The following MC2R variants were observed in gnomAD, a reference collection of about 807,000 sequenced individuals.
MC2R encodes the protein adrenocorticotropic hormone receptor.
MC2R carries 9 observed loss-of-function variants against 9.8 expected under a neutral mutation model. That is an observed-to-expected ratio of 0.92 (90% CI 0.55 to 1.60). The LOEUF (loss-of-function observed/expected upper bound fraction) is 1.60, where lower values mean the gene tolerates loss of function less well. MC2R is among the 40% of genes most tolerant of loss of function. MC2R has a pLI of 0.00. For synonymous variants in MC2R, 185 were observed against 154.7 expected, an observed-to-expected ratio of 1.20 and a Z score of -1.45; for missense variants, 370 against 389.0, an observed-to-expected ratio of 0.95 and a Z score of 0.41.
intron 1 of MC2R, among the ~76,000 whole-genome samples, chr18:13,914,419 T>C (rs746169385): frequency 3.9e-5 from 6 of 152,182 alleles, no homozygotes; most frequent in Non-Finnish European, 7.4e-5. Context: ...ACATAAGGGT[T>C]CGGTACAGCT....
At chr18:13,891,830 G>A (rs2045317333) in intron 1 of MC2R, among the ~76,000 whole-genome samples, 2 of 152,276 alleles carry the variant, frequency 1.3e-5, no homozygotes, top group South Asian at 2.1e-4. Context: ...ATTTGACAGA[G>A]GGAGGGAGTG....
intron 1 of MC2R, among the ~76,000 whole-genome samples, chr18:13,902,901 A>T (rs1175299826): frequency 6.6e-6 from 1 of 152,204 alleles, no homozygotes; most frequent in Admixed American, 6.5e-5. Flanking sequence ...AAGTGAAGAG[A>T]CAGCCCATAG....
chr18:13,910,807 T>C (rs2045439973), intron 1 of MC2R, among the ~76,000 whole-genome samples: 1 of 152,210 alleles, frequency 6.6e-6, no homozygotes, highest in Non-Finnish European at 1.5e-5. Context: ...TCAATCCATC[T>C]ACTTCTCATC....
intron 1 of MC2R, among the ~76,000 whole-genome samples, chr18:13,911,218 A>T (rs1320183579): frequency 6.6e-6 from 1 of 152,156 alleles, no homozygotes; most frequent in Non-Finnish European, 1.5e-5. Context: ...AGCCGAGAGC[A>T]GGGGCCGGAG....
chr18:13,893,786 A>G (rs1022346601), intron 1 of MC2R, among the ~76,000 whole-genome samples: 2 of 152,238 alleles, frequency 1.3e-5, no homozygotes, highest in African/African-American at 4.8e-5. Context: ...TACAATGCAG[A>G]GGGTGAAGAT....
At chr18:13,900,770 A>G (rs190118103) in intron 1 of MC2R, among the ~76,000 whole-genome samples, 46 of 152,274 alleles carry the variant, frequency 3.0e-4, no homozygotes, top group Middle Eastern at 6.8e-3. Context: ...AGCACTAAAG[A>G]GAGAGACAGG....
chr18:13,886,730 G>C (rs555082250), intron 1 of MC2R, among the ~76,000 whole-genome samples: 1 of 152,202 alleles, frequency 6.6e-6, no homozygotes, highest in Admixed American at 6.5e-5. Flanking sequence ...GGTGAAGGCG[G>C]ACTGCGGCAG....
Position 13,884,465 on chromosome 18 carries a change from C to T in MC2R, c.*160G>A, listed in dbSNP as rs1036213540. ...GTTGCCCCTACAATAAGACTGTTCACATAGAACCTAGCTATTAGAAACACT... is the reference window on the plus strand; with the variant it reads ...GTTGCCCCTACAATAAGACTGTTCATATAGAACCTAGCTATTAGAAACACT... On this transcript the variant is annotated 3_prime_UTR_variant, in exon 2 of 2. Coordinates refer to ENST00000327606, the MANE Select transcript of MC2R (RefSeq NM_000529.2). The T allele has an allele frequency of 6.6e-5, 52 of 783,212 alleles. No homozygotes were observed. In the African/African-American group the frequency reaches 7.4e-4, roughly 11 times the overall value. The allele number at this position is 783,212 out of a possible 1,614,324, so 48.5% of individuals were successfully genotyped here. A position where few individuals can be genotyped will look rare whatever the true frequency, so the allele number is the denominator to read the frequency against.
intron 1 of MC2R, among the ~76,000 whole-genome samples, chr18:13,913,007 T>C (rs1482848607): frequency 2.0e-5 from 3 of 152,158 alleles, no homozygotes; most frequent in Non-Finnish European, 2.9e-5. Flanking sequence ...GGTTTACAGC[T>C]TTTCCGACAC....
At chr18:13,896,139 G>T (rs1400952614) in intron 1 of MC2R, among the ~76,000 whole-genome samples, 1 of 152,280 alleles carries the variant, frequency 6.6e-6, no homozygotes, top group South Asian at 2.1e-4. Flanking sequence ...TAAAAAGCAC[G>T]ATGTTGTTCT....
At chr18:13,896,371 A>T (rs998868728) in intron 1 of MC2R, among the ~76,000 whole-genome samples, 1 of 152,146 alleles carries the variant, frequency 6.6e-6, no homozygotes, top group Non-Finnish European at 1.5e-5. Flanking sequence ...AATATAAGAG[A>T]ATTGGCTGAA....
At chr18:13,914,323 G>A (rs994253127) in intron 1 of MC2R, among the ~76,000 whole-genome samples, 2 of 152,212 alleles carry the variant, frequency 1.3e-5, no homozygotes, top group African/African-American at 4.8e-5. Flanking sequence ...GGGAGCTAGT[G>A]TGAAGTGTTG....
At chr18:13,903,048 T>C (rs1400095958) in intron 1 of MC2R, among the ~76,000 whole-genome samples, 1 of 152,170 alleles carries the variant, frequency 6.6e-6, no homozygotes, top group African/African-American at 2.4e-5. Flanking sequence ...AATAGATGTA[T>C]CTCTAAAGAG....
At chr18:13,902,122 A>G (rs1279685878) in intron 1 of MC2R, among the ~76,000 whole-genome samples, 6 of 40,966 alleles carry the variant, frequency 1.5e-4, no homozygotes, top group Admixed American at 1.4e-3. Context: ...AATGTGATAT[A>G]TCATATCAAG....
At chr18:13,891,960 T>A (rs2045317947) in intron 1 of MC2R, among the ~76,000 whole-genome samples, 2 of 152,162 alleles carry the variant, frequency 1.3e-5, no homozygotes, top group South Asian at 4.1e-4. Flanking sequence ...AAGCTAAAGA[T>A]GATCTAATAA....
intron 1 of MC2R, 114 bp from the exon 2 acceptor site, chr18:13,885,760 T>A: frequency 1.9e-6 from 1 of 516,094 alleles, no homozygotes; most frequent in Non-Finnish European, 3.5e-6. Flanking sequence ...AATCAGTATA[T>A]TAGAAGGAGC....
At chr18:13,912,946 G>C (rs564188837) in intron 1 of MC2R, among the ~76,000 whole-genome samples, 5 of 151,958 alleles carry the variant, frequency 3.3e-5, no homozygotes, top group African/African-American at 1.2e-4. Context: ...CCCCATGCCG[G>C]GCACAGGCAG....
intron 1 of MC2R, among the ~76,000 whole-genome samples, chr18:13,886,512 C>T (rs542474039): frequency 2.6e-5 from 4 of 152,276 alleles, no homozygotes; most frequent in African/African-American, 9.6e-5. Flanking sequence ...TGGCTGGGCT[C>T]GGTGGACTCG....
intron 1 of MC2R, among the ~76,000 whole-genome samples, chr18:13,900,128 GAGTTTTTGTT>G (rs1371797295): frequency 6.6e-6 from 1 of 152,064 alleles, no homozygotes; most frequent in Non-Finnish European, 1.5e-5. Context: ...TTAAGGTGTC[GAGTTTTTGTT>G]AGTTTTTGTT....
Sources: gnomAD v4.1 joint callset for allele counts (sites outside exome capture counted in the v4.1 genomes callset) on GRCh38, gnomAD v4.1.1 for gene constraint, MANE v1.5 for transcripts, NCBI Gene and HGNC (gene_info 2026-07-23, HGNC 2026-07-21) for gene names.